ZC3H4: variants seen among roughly 807,000 people sequenced by gnomAD.
ZC3H4 encodes zinc finger CCCH domain-containing protein 4.
In ZC3H4, 13 loss-of-function variants were observed where a neutral mutation model predicts 108.3. The observed-to-expected ratio is 0.12, with a 90% CI of 0.08 to 0.19. The LOEUF (loss-of-function observed/expected upper bound fraction) is 0.19, where lower values mean the gene tolerates loss of function less well. Among genes scored for constraint, ZC3H4 ranks in the 10% least tolerant of loss-of-function variants. The pLI is 1.00. For missense variants in ZC3H4, 1,734 were observed against 1,838.8 expected, an observed-to-expected ratio of 0.94 and a Z score of 1.04; for synonymous variants, 917 against 749.6, an observed-to-expected ratio of 1.22 and a Z score of -3.65.
intron 5 of ZC3H4, among the ~76,000 whole-genome samples, chr19:47,087,293 C>CA (rs749866249): frequency 2.2e-5 from 2 of 89,838 alleles, no homozygotes; most frequent in African/African-American, 6.8e-5. Context: ...CACACACACA[C>CA]ACACAAAAAA....
intron 11 of ZC3H4, among the ~76,000 whole-genome samples, chr19:47,079,924 G>A (rs1042730495): frequency 6.6e-6 from 1 of 152,038 alleles, no homozygotes; most frequent in African/African-American, 2.4e-5. Context: ...AGGGCAGCAG[G>A]CTCCCCGGAG....
Position 47,072,750 on chromosome 19 carries a change from G to GGTC in ZC3H4, c.1441-40_1441-38dup. Reference sequence around the variant, plus strand: ...AAAGAACAAAAGAAGGTGTGGACGGGGTCAGGATGGAAACGGACCTCTCCA... The same window carrying GGTC: ...AAAGAACAAAAGAAGGTGTGGACGGGGTCGTCAGGATGGAAACGGACCTCTCCA... On this transcript the variant is annotated intron_variant, in intron 11 of 14. Coordinates refer to ENST00000253048, the MANE Select transcript of ZC3H4 (RefSeq NM_015168.2). The surrounding 1 kb of genome is among the most constrained non-coding windows in gnomAD (Gnocchi z 5.6). 1 of 1,609,368 alleles carries GGTC rather than the reference G, an allele frequency of 6.2e-7. No homozygotes were observed. Among genetic ancestry groups the GGTC allele is most frequent in the South Asian group, 1.1e-5 (1 of 90,778 alleles).
chr19:47,095,581 C>G (rs562458784), intron 2 of ZC3H4, among the ~76,000 whole-genome samples: 42 of 152,252 alleles, frequency 2.8e-4, no homozygotes, highest in African/African-American at 1.0e-3. Flanking sequence ...TTTAAAAGTG[C>G]TCTCCAAACA....
intron 2 of ZC3H4, among the ~76,000 whole-genome samples, chr19:47,111,756 CTA>C: frequency 6.6e-6 from 1 of 151,308 alleles, no homozygotes; most frequent in East Asian, 2.0e-4. Context: ...AATACAAGTG[CTA>C]TAGAGCACCC....
Position 47,067,372 on chromosome 19 carries a change from C to T in ZC3H4, c.2896G>A (p.Val966Met), listed in dbSNP as rs558058106. Residue 966 changes from valine to methionine, a missense_variant, in exon 15 of 15, where the codon GTG (valine) becomes ATG (methionine). Transcript: ENST00000253048. The surrounding 1 kb of genome is among the most constrained non-coding windows in gnomAD (Gnocchi z 6.4). ...GCGAAGCTGGGCTTGCTCAGGGTCA[C>T]GTCCTTCTTGATGTGGCTGAACTGC... is the stretch of plus-strand genomic sequence containing the variant. ...LQQFSHIKKD[V>M]TLSKPSFART... The T allele has an allele frequency of 1.2e-5, 20 of 1,607,922 alleles. No individual in the cohort carries two copies. The highest frequency in any genetic ancestry group is 6.6e-5 in the South Asian group (6 of 90,254).
At chr19:47,076,795 C>G (rs1201341788) in intron 11 of ZC3H4, among the ~76,000 whole-genome samples, 1 of 152,084 alleles carries the variant, frequency 6.6e-6, no homozygotes, top group Non-Finnish European at 1.5e-5. Flanking sequence ...GAGTTCGAGA[C>G]CAGCCTGATC....
rs1599976276 is a variant in ZC3H4 at position 47,071,114 on chromosome 19, C to T, written c.2146+664G>A. ...CACTGAGCCTTCTGGCCCACCGCCA[C>T]GGTTCCCCACCTTTTCTTCTAAGAA... On this transcript the variant is annotated intron_variant, in intron 13 of 14. Transcript: ENST00000253048. Among the ~76,000 whole-genome samples the T allele has an allele frequency of 3.3e-5, 5 of 152,228 alleles. No homozygotes were observed. In the East Asian group the frequency reaches 5.8e-4, roughly 18 times the overall value.
In ZC3H4 at chr19:47,107,933, C is replaced by T. The variant is rs2057988116; in HGVS notation, c.161+4491G>A. On this transcript the variant is annotated intron_variant, in intron 2 of 14. Coordinates refer to ENST00000253048, the MANE Select transcript of ZC3H4 (RefSeq NM_015168.2). ...GAGTCAAACCCATGAAGTTTGGCTC[C>T]CCCCAATCAATCTCATTTTTACTTT... 2.6e-5 allele frequency among the ~76,000 whole-genome samples: 4 copies of T among 152,120 alleles called. No individual in the cohort carries two copies. In the South Asian group the frequency reaches 6.2e-4, roughly 24 times the overall value.
intron 2 of ZC3H4, among the ~76,000 whole-genome samples, chr19:47,098,324 T>C (rs980182840): frequency 6.6e-6 from 1 of 152,090 alleles, no homozygotes; most frequent in African/African-American, 2.4e-5. Flanking sequence ...ACCTTGTCTC[T>C]ACCAGTAATA....
chr19:47,082,044 T>C (rs1215899460), intron 10 of ZC3H4, 140 bp downstream of exon 10: 12 of 752,922 alleles, frequency 1.6e-5, no homozygotes, highest in Non-Finnish European at 2.3e-5. Flanking sequence ...GACGTGAGTG[T>C]TAAATGAGAT....
chr19:47,098,359 G>C (rs185549577), intron 2 of ZC3H4, among the ~76,000 whole-genome samples: 12 of 152,164 alleles, frequency 7.9e-5, no homozygotes, highest in African/African-American at 2.9e-4. Context: ...GCGCGATGGT[G>C]GGTGCCTGAA....
chr19:47,092,019 G>A (rs1283161213), intron 4 of ZC3H4, among the ~76,000 whole-genome samples: 2 of 152,058 alleles, frequency 1.3e-5, no homozygotes, highest in Non-Finnish European at 2.9e-5. Context: ...GACCAGCCTG[G>A]GCAACATTTT....
intron 2 of ZC3H4, among the ~76,000 whole-genome samples, chr19:47,107,249 T>C (rs1459244679): frequency 1.3e-5 from 2 of 152,200 alleles, no homozygotes; most frequent in Non-Finnish European, 2.9e-5. Context: ...CTTACTTCTG[T>C]TTATACACCA....
Position 47,067,608 on chromosome 19 carries a change from G to A in ZC3H4, c.2660C>T (p.Pro887Leu). The A allele has an allele frequency of 1.2e-6, 2 of 1,606,392 alleles. No homozygotes were observed. The highest frequency in any genetic ancestry group is 2.2e-5 in the South Asian group (2 of 90,604). Residue 887 changes from proline to leucine, a missense_variant, in exon 15 of 15, where the codon CCC becomes CTC. By Grantham distance (98) the Pro-to-Leu change is moderately conservative (BLOSUM62 -3). Transcript: ENST00000253048. This position sits in a 1 kb window ranked among gnomAD's most constrained non-coding sequence, Gnocchi z 6.4. ...GGCGCGAGCCAGCCGAGGATCGGAG[G>A]GTCCCGAATCACCTGGGCCAGACCC... ...SGGSGPGDSG[P>L]SDPRLARALP... is the part of the protein sequence containing the mutation.
chr19:47,085,472 C>A, intron 6 of ZC3H4, 58 bp from the exon 7 acceptor site: 1 of 1,413,470 alleles, frequency 7.1e-7, no homozygotes, highest in South Asian at 1.4e-5. Flanking sequence ...TGAACACTGT[C>A]CCCACCTACA....
chr19:47,070,056 G>A (rs1312722703), intron 13 of ZC3H4, among the ~76,000 whole-genome samples: 2 of 152,194 alleles, frequency 1.3e-5, no homozygotes, highest in Non-Finnish European at 2.9e-5. Context: ...GTAGAGGGGA[G>A]GGCAGGCTCG....
intron 2 of ZC3H4, among the ~76,000 whole-genome samples, chr19:47,105,508 G>A (rs994314773): frequency 6.6e-6 from 1 of 152,178 alleles, no homozygotes; most frequent in South Asian, 2.1e-4. Context: ...GCTGAAGCAG[G>A]AGAATCCCTT....
At chr19:47,107,193 T>G (rs1410007416) in intron 2 of ZC3H4, among the ~76,000 whole-genome samples, 1 of 152,214 alleles carries the variant, frequency 6.6e-6, no homozygotes, top group African/African-American at 2.4e-5. Context: ...ACCAGAACCC[T>G]AAGAGATGAA....
At chr19:47,071,579 GGTA>G in intron 13 of ZC3H4, among the ~76,000 whole-genome samples, 196 bp downstream of exon 13, 1 of 152,202 alleles carries the variant, frequency 6.6e-6, no homozygotes, top group African/African-American at 2.4e-5. Flanking sequence ...AACCTATATT[GGTA>G]ATACACAGAA....
Sources: allele counts gnomAD v4.1 joint callset (sites outside exome capture counted in the v4.1 genomes callset), GRCh38; gene constraint gnomAD v4.1.1; non-coding constraint Gnocchi (gnomAD v3.1); transcripts MANE v1.5; gene names NCBI Gene and HGNC (gene_info 2026-07-23, HGNC 2026-07-21).